The following PPP1R12B variants were observed in gnomAD, a reference collection of about 807,000 sequenced individuals.
The protein encoded by PPP1R12B is protein phosphatase 1 regulatory subunit 12B.
Under a neutral mutation model 126.1 loss-of-function variants are expected in PPP1R12B, and 76 were observed. The ratio of observed to expected loss-of-function variants is 0.60; its 90% CI spans 0.50 to 0.73. PPP1R12B has a LOEUF of 0.73. Ranked by LOEUF, PPP1R12B falls within the 30% of genes least tolerant of loss-of-function variation. The pLI is 0.00. For missense variants in PPP1R12B, 1,052 were observed against 1,205.1 expected, an observed-to-expected ratio of 0.87 and a Z score of 1.88; for synonymous variants, 356 against 434.7, an observed-to-expected ratio of 0.82 and a Z score of 2.25.
At chr1:202,505,242 A>G (rs753213737) in intron 18 of PPP1R12B, among the ~76,000 whole-genome samples, 1 of 152,234 alleles carries the variant, frequency 6.6e-6, no homozygotes, top group African/African-American at 2.4e-5. Context: ...GATCAAGTCA[A>G]GTCCCTGCAG....
At chr1:202,529,529 C>A (rs997739242) in intron 18 of PPP1R12B, among the ~76,000 whole-genome samples, 2 of 152,160 alleles carry the variant, frequency 1.3e-5, no homozygotes, top group African/African-American at 4.8e-5. Flanking sequence ...TTTTTCTTAA[C>A]ACCTGATGGA....
chr1:202,560,575 A>T (rs1054753288), intron 19 of PPP1R12B, among the ~76,000 whole-genome samples: 3 of 152,168 alleles, frequency 2.0e-5, no homozygotes, highest in Non-Finnish European at 2.9e-5. Flanking sequence ...TCTCACGGCC[A>T]TCTTGGTTTT....
intron 9 of PPP1R12B, among the ~76,000 whole-genome samples, chr1:202,437,429 T>G (rs557714835): frequency 5.2e-4 from 79 of 152,292 alleles, no homozygotes; most frequent in African/African-American, 1.7e-3. Context: ...ATTTTACAGG[T>G]GAGCATGTTG....
intron 18 of PPP1R12B, among the ~76,000 whole-genome samples, chr1:202,540,621 A>G (rs1200033105): frequency 6.6e-6 from 1 of 152,200 alleles, no homozygotes; most frequent in Non-Finnish European, 1.5e-5. Context: ...AGTCAATACT[A>G]TGTTTCAAGA....
At chr1:202,358,794 A>C in intron 1 of PPP1R12B, among the ~76,000 whole-genome samples, 1 of 152,250 alleles carries the variant, frequency 6.6e-6, no homozygotes, top group East Asian at 1.9e-4. Flanking sequence ...TTTATACAAA[A>C]ATTTAGAGAT....
At chr1:202,438,866 C>A in intron 10 of PPP1R12B, 1 of 1,257,460 alleles carries the variant, frequency 8.0e-7, no homozygotes, top group Non-Finnish European at 1.2e-6. Context: ...CCATCTACTG[C>A]TATAGCCCCC....
At chr1:202,453,271 A>C (rs984861051) in intron 13 of PPP1R12B, among the ~76,000 whole-genome samples, 17 of 152,134 alleles carry the variant, frequency 1.1e-4, no homozygotes, top group African/African-American at 4.1e-4. Context: ...TGTCAATATG[A>C]TATATCACAT....
intron 1 of PPP1R12B, among the ~76,000 whole-genome samples, chr1:202,354,730 C>T: frequency 6.6e-6 from 1 of 151,864 alleles, no homozygotes; most frequent in East Asian, 1.9e-4. Flanking sequence ...TCACTGCAAC[C>T]TCTGCGTCCC....
chr1:202,409,627 T>C (rs985989810), intron 1 of PPP1R12B, among the ~76,000 whole-genome samples: 5 of 152,164 alleles, frequency 3.3e-5, no homozygotes, highest in African/African-American at 1.2e-4. Context: ...GCCAACACTT[T>C]TAAAATATTT....
At chr1:202,551,527 AT>A (rs34230868) in intron 18 of PPP1R12B, among the ~76,000 whole-genome samples, 1,913 of 150,212 alleles carry the variant, frequency 0.013, 15 homozygotes, top group South Asian at 0.018. Flanking sequence ...AAATTAAACC[AT>A]TTTTTTTTTA....
chr1:202,445,974 A>C (rs1672178693), intron 12 of PPP1R12B, among the ~76,000 whole-genome samples: 1 of 152,084 alleles, frequency 6.6e-6, no homozygotes, highest in Admixed American at 6.6e-5. Context: ...TTGCAGGAAC[A>C]CCAGTGATGG....
chr1:202,374,861 A>G (rs1438947753), intron 1 of PPP1R12B, among the ~76,000 whole-genome samples: 1 of 149,294 alleles, frequency 6.7e-6, no homozygotes, highest in Non-Finnish European at 1.5e-5. Flanking sequence ...CTTTAGTCCA[A>G]GTCATTGTCT....
intron 1 of PPP1R12B, among the ~76,000 whole-genome samples, chr1:202,376,305 C>G (rs757684792): frequency 2.0e-5 from 3 of 151,834 alleles, no homozygotes; most frequent in Non-Finnish European, 4.4e-5. Context: ...TTTTAAAGAC[C>G]AAGAGAACTA....
chr1:202,417,365 G>A (rs1364576414), intron 2 of PPP1R12B: 6 of 985,224 alleles, frequency 6.1e-6, no homozygotes, highest in Admixed American at 6.2e-5. Flanking sequence ...GTAGTTAATC[G>A]CAGAAGAATG....
chr1:202,520,376 A>G (rs1682646210), intron 18 of PPP1R12B, among the ~76,000 whole-genome samples: 1 of 152,158 alleles, frequency 6.6e-6, no homozygotes, highest in Admixed American at 6.5e-5. Context: ...GGTACTTATT[A>G]CAGGACTCTG....
At chr1:202,363,274 TC>T (rs898942015) in intron 1 of PPP1R12B, among the ~76,000 whole-genome samples, 9 of 152,224 alleles carry the variant, frequency 5.9e-5, no homozygotes, top group African/African-American at 2.2e-4. Context: ...CTCTCAGGCA[TC>T]CCACAGTTAC....
intron 13 of PPP1R12B, among the ~76,000 whole-genome samples, chr1:202,451,273 A>C (rs1198602785): frequency 6.7e-6 from 1 of 150,044 alleles, no homozygotes; most frequent in African/African-American, 2.5e-5. Flanking sequence ...GCAGATAAAC[A>C]AGTGAACAAA....
At chr1:202,500,842 T>C (rs12037876) in intron 18 of PPP1R12B, among the ~76,000 whole-genome samples, 62,221 of 152,118 alleles carry the variant, frequency 0.41, 14,726 homozygotes, top group East Asian at 0.7. Context: ...AAATACGTAC[T>C]ATTATAATGC....
At chr1:202,361,005 C>T (rs2148407626) in intron 1 of PPP1R12B, among the ~76,000 whole-genome samples, 1 of 151,746 alleles carries the variant, frequency 6.6e-6, no homozygotes, top group East Asian at 2.0e-4. Flanking sequence ...ATTCTCCTGC[C>T]TCAGCCTCCT....
Sources: allele counts gnomAD v4.1 joint callset (sites outside exome capture counted in the v4.1 genomes callset), GRCh38; gene constraint gnomAD v4.1.1; transcripts MANE v1.5; gene names NCBI Gene and HGNC (gene_info 2026-07-23, HGNC 2026-07-21).